MRGPRE: variants seen among roughly 807,000 people sequenced by gnomAD.
MRGPRE encodes the protein MAS related GPR family member E, also known as mas-related G protein-coupled receptor member E.
For missense variants in MRGPRE, 466 were observed against 433.4 expected (o/e 1.08, Z -0.67); for synonymous variants, 229 against 206.7 (o/e 1.11, Z -0.92).
Position 3,231,901 on chromosome 11 carries a change from G to A in MRGPRE, c.-62+240C>T, listed in dbSNP as rs903974562. On this transcript the variant is annotated intron_variant, in intron 1 of 1. Transcript: ENST00000389832. This position sits in a 1 kb window ranked among gnomAD's most constrained non-coding sequence, Gnocchi z 4.7. ...ACAGAGCCACCGGGGGTGGGGGGTT[G>A]GGGAGCCATCACCCAAGCTATCGTC... Among the ~76,000 whole-genome samples, 1 of 152,040 alleles carries A rather than the reference G, an allele frequency of 6.6e-6. No homozygotes were observed. Among genetic ancestry groups the A allele is most frequent in the African/African-American group, 2.4e-5 (1 of 41,380 alleles).
At position 3,227,858 on chromosome 11, in the gene MRGPRE, G is replaced by T; in HGVS notation, c.*3C>A. 1 of 1,438,730 alleles carries T rather than the reference G, an allele frequency of 7.0e-7. No individual in the cohort carries two copies. The highest frequency in any genetic ancestry group is 9.1e-7 in the Non-Finnish European group (1 of 1,096,048). 89.1% of individuals were successfully genotyped at this position (1,438,730 alleles called of 1,614,324 possible). The stretch of plus-strand genomic sequence containing the variant: ...CTGCAGCTGGGGTCGGGGGCCCCAG[G>T]GCTCAGGCTGCTATGTCCACCAGGC... On this transcript the variant is annotated 3_prime_UTR_variant, in exon 2 of 2. Transcript: ENST00000389832.
At position 3,230,622 on chromosome 11, in the gene MRGPRE, C is replaced by T. The variant is rs1041267329; in HGVS notation, c.-62+1519G>A. On this transcript the variant is annotated intron_variant, in intron 1 of 1. Transcript: ENST00000389832. This position sits in a 1 kb window ranked among gnomAD's most constrained non-coding sequence, Gnocchi z 5.5. ...AAATGACAGCCTGAGGTTGTCCCCG[C>T]CTCAGGGGTGGGCATGGGGGTGGGG... Among the ~76,000 whole-genome samples, 1 of 152,054 alleles carries T rather than the reference C, an allele frequency of 6.6e-6. No homozygotes were observed. Among genetic ancestry groups the T allele is most frequent in the Non-Finnish European group, 1.5e-5 (1 of 67,986 alleles).
rs1190841312 is a variant in MRGPRE at position 3,226,655 on chromosome 11, G to C, written c.*1206C>G. On this transcript the variant is annotated 3_prime_UTR_variant, in exon 2 of 2. Coordinates refer to ENST00000389832, the MANE Select transcript of MRGPRE (RefSeq NM_001039165.4). Reference sequence around the variant, plus strand: ...CAGAGGGAATGTCCTTCCATCACCAGCCATGGAGGCCGGAGTCAGAAATCA... The same window carrying C: ...CAGAGGGAATGTCCTTCCATCACCACCCATGGAGGCCGGAGTCAGAAATCA... Among the ~76,000 whole-genome samples, 1 of 152,234 alleles carries C rather than the reference G, an allele frequency of 6.6e-6. No homozygotes were observed. The highest frequency in any genetic ancestry group is 2.4e-5 in the African/African-American group (1 of 41,458).
In MRGPRE at chr11:3,227,025, C is replaced by T. The variant is rs1247939745; in HGVS notation, c.*836G>A. 6.6e-6 allele frequency among the ~76,000 whole-genome samples: 1 copy of T among 152,212 alleles called. No individual in the cohort carries two copies. The highest frequency in any genetic ancestry group is 1.5e-5 in the Non-Finnish European group (1 of 68,030). On this transcript the variant is annotated 3_prime_UTR_variant, in exon 2 of 2. Coordinates refer to ENST00000389832, the MANE Select transcript of MRGPRE (RefSeq NM_001039165.4). ...CTGTTGAGGGGTGAAGCCTGGGTTC[C>T]TTCCTCAGAGGGATCCTCTGGAGCG...
In MRGPRE at chr11:3,229,052, G is replaced by A. The variant is rs1247124112; in HGVS notation, c.-61-192C>T. Among the ~76,000 whole-genome samples the A allele has an allele frequency of 1.3e-5, 2 of 152,042 alleles. No homozygotes were observed. Among genetic ancestry groups the A allele is most frequent in the Non-Finnish European group, 2.9e-5 (2 of 68,014 alleles). ...TCCCTAAGACACTCAGGAGGAAGGT[G>A]TCCCCATTCCTCCCCTCCCCATGGT... On this transcript the variant is annotated intron_variant, in intron 1 of 1. Coordinates refer to ENST00000389832, the MANE Select transcript of MRGPRE (RefSeq NM_001039165.4). This position sits in a 1 kb window ranked among gnomAD's most constrained non-coding sequence, Gnocchi z 4.4.
rs11026050 is a variant in MRGPRE at position 3,230,286 on chromosome 11, G to A, written c.-61-1426C>T. 0.58 allele frequency among the ~76,000 whole-genome samples: 87,896 copies of A among 151,442 alleles called. 26,047 individuals are homozygous for A. The highest frequency in any genetic ancestry group is 0.63 in the Non-Finnish European group (42,970 of 67,814). On this transcript the variant is annotated intron_variant, in intron 1 of 1. Transcript: ENST00000389832. This position sits in a 1 kb window ranked among gnomAD's most constrained non-coding sequence, Gnocchi z 5.5. ...AGGTGCCCCTCCCACCTTGGTGGTG[G>A]CTGGTCCTCCTGTGTCCTGGGAGGG...
Position 3,227,901 on chromosome 11 carries a change from C to A in MRGPRE, c.899G>T (p.Arg300Met). The A allele has an allele frequency of 6.8e-7, 1 of 1,474,442 alleles. No individual in the cohort carries two copies. Among genetic ancestry groups the A allele is most frequent in the East Asian group, 2.4e-5 (1 of 40,922 alleles). The allele number at this position is 1,474,442 out of a possible 1,614,324, so 91.3% of individuals were successfully genotyped here. Residue 300 changes from arginine (R) to methionine (M), a missense_variant, in exon 2 of 2, where the codon AGG (arginine) becomes ATG (methionine). Transcript: ENST00000389832. The stretch of plus-strand genomic sequence containing the variant: ...CACCAGGCCCCGGCGGGAGGTCTCC[C>A]TGACGGCCCCCAGCTCAGCCTCGTC... ...LGDEAELGAV[R>M]ETSRRGLVDI...
chr11:3,228,014 G>T lies in MRGPRE; in HGVS notation c.786C>A (p.Cys262Ter), dbSNP rs576704362. 3 of 1,605,734 alleles carry T rather than the reference G, an allele frequency of 1.9e-6. No individual in the cohort carries two copies. The highest frequency in any genetic ancestry group is 2.7e-5 in the African/African-American group (2 of 74,838). The part of the protein sequence containing the change: ...HFSFLMAAVH[C>*]AAKPVVYFCL... ...AGAAGTAGACGACGGGCTTGGCCGC[G>T]CAGTGCACGGCGGCCATGAGGAAGC... Residue 262 changes from cysteine to a stop codon, truncating the protein, a stop_gained, in exon 2 of 2, where the codon TGC becomes TGA. Coordinates refer to ENST00000389832, the MANE Select transcript of MRGPRE (RefSeq NM_001039165.4). LOFTEE classifies it low-confidence loss of function (END_TRUNC).
chr11:3,229,211 G>C lies in MRGPRE; in HGVS notation c.-61-351C>G, dbSNP rs12283729. 0.66 allele frequency among the ~76,000 whole-genome samples: 87,844 copies of C among 132,664 alleles called. 26,913 individuals are homozygous for C. The highest frequency in any genetic ancestry group is 0.69 in the Middle Eastern group (178 of 258). 87.0% of individuals were successfully genotyped at this position (132,664 alleles called of 152,430 possible). ...AGTGGTGCCTTGATCCTCAGAATGG[G>C]CTTTTTTTTTTTTTTTTTTTTTTTT... On this transcript the variant is annotated intron_variant, in intron 1 of 1. Coordinates refer to ENST00000389832, the MANE Select transcript of MRGPRE (RefSeq NM_001039165.4). The surrounding 1 kb of genome is among the most constrained non-coding windows in gnomAD (Gnocchi z 4.4).
rs990757522 is a variant in MRGPRE, at chr11:3,225,151, G to A, written c.*2710C>T. 2.1e-4 allele frequency among the ~76,000 whole-genome samples: 32 copies of A among 152,338 alleles called. No individual in the cohort carries two copies. In the South Asian group the frequency reaches 4.3e-3, roughly 21 times the overall value. On this transcript the variant is annotated 3_prime_UTR_variant, in exon 2 of 2. Coordinates refer to ENST00000389832, the MANE Select transcript of MRGPRE (RefSeq NM_001039165.4). ...GCAGCGCAGGCTGATTTACAGACTC[G>A]TACCCGGGCGCTGGGGAGGGGATAG... is the stretch of plus-strand genomic sequence containing the variant.
In MRGPRE at chr11:3,229,957, G is replaced by C. The variant is rs747579009; in HGVS notation, c.-61-1097C>G. The stretch of plus-strand genomic sequence containing the variant: ...CCAAGGCAGTCGGCTCACGGGGACA[G>C]GTCCTGCGGGAGGGGTACTGAGTCC... On this transcript the variant is annotated intron_variant, in intron 1 of 1. Transcript: ENST00000389832. The surrounding 1 kb of genome is among the most constrained non-coding windows in gnomAD (Gnocchi z 4.4). Among the ~76,000 whole-genome samples the C allele has an allele frequency of 2.0e-5, 3 of 152,208 alleles. No homozygotes were observed. Among genetic ancestry groups the C allele is most frequent in the East Asian group, 1.9e-4 (1 of 5,188 alleles).
rs1360906897 is a variant in MRGPRE, at chr11:3,228,346, G to A, written c.454C>T (p.Leu152=). ...CVCALTWALC[L]LLHLLLSGAC... is the part of the protein sequence containing the mutation. The stretch of plus-strand genomic sequence containing the variant: ...CCGCTGAGCAGCAGGTGCAGCAGCA[G>A]GCAGAGGGCCCAGGTGAGGGCGCAC... Residue 152 remains leucine (L), a synonymous_variant, in exon 2 of 2, where the codon CTG becomes TTG. Transcript: ENST00000389832. 6.4e-7 allele frequency: 1 copy of A among 1,571,482 alleles called. No homozygotes were observed.
In MRGPRE at chr11:3,230,985, A is replaced by C. The variant is rs1164887289; in HGVS notation, c.-62+1156T>G. Among the ~76,000 whole-genome samples the C allele has an allele frequency of 6.6e-6, 1 of 152,104 alleles. No homozygotes were observed. The highest frequency in any genetic ancestry group is 1.5e-5 in the Non-Finnish European group (1 of 67,996). On this transcript the variant is annotated intron_variant, in intron 1 of 1. Transcript: ENST00000389832. This position sits in a 1 kb window ranked among gnomAD's most constrained non-coding sequence, Gnocchi z 5.5. ...TAGCTTGGGGGGGTCACCAACCCTCAGGCCCAGAGGGAGGCAGAGATGAGT... is the reference window on the plus strand; with the variant it reads ...TAGCTTGGGGGGGTCACCAACCCTCCGGCCCAGAGGGAGGCAGAGATGAGT...
rs1468185093 is a variant in MRGPRE at position 3,226,973 on chromosome 11, C to A, written c.*888G>T. On this transcript the variant is annotated 3_prime_UTR_variant, in exon 2 of 2. Coordinates refer to ENST00000389832, the MANE Select transcript of MRGPRE (RefSeq NM_001039165.4). ...CACATGCTCCTGGATGGCAGCCAGG[C>A]CTGGCACTCAGCGGAAGCTCGGAAA... is the stretch of plus-strand genomic sequence containing the variant. Among the ~76,000 whole-genome samples, 2 of 152,238 alleles carry A rather than the reference C, an allele frequency of 1.3e-5. No homozygotes were observed. The highest frequency in any genetic ancestry group is 2.9e-5 in the Non-Finnish European group (2 of 68,038).
In MRGPRE at chr11:3,230,293, C is replaced by T. The variant is rs563042746; in HGVS notation, c.-61-1433G>A. Among the ~76,000 whole-genome samples the T allele has an allele frequency of 1.5e-4, 23 of 151,844 alleles. No homozygotes were observed. Among genetic ancestry groups the T allele is most frequent in the African/African-American group, 5.6e-4 (23 of 41,430 alleles). On this transcript the variant is annotated intron_variant, in intron 1 of 1. Transcript: ENST00000389832. The surrounding 1 kb of genome is among the most constrained non-coding windows in gnomAD (Gnocchi z 5.5). ...CCTCCCACCTTGGTGGTGGCTGGTC[C>T]TCCTGTGTCCTGGGAGGGCTGGGGT...
chr11:3,228,124 AGAG>A lies in MRGPRE; in HGVS notation c.673_675del (p.Leu225del), dbSNP rs1473227784. On this transcript the variant is annotated inframe_deletion, in exon 2 of 2. Transcript: ENST00000389832. The stretch of plus-strand genomic sequence containing the variant: ...CCGAAGGGCAGGCCGCAGAAGAGGA[AGAG>A]GAGGACGGTGAGGAGGATGAGCCCA... The A allele has an allele frequency of 6.3e-7, 1 of 1,590,572 alleles. No homozygotes were observed. The highest frequency in any genetic ancestry group is 1.8e-5 in the Admixed American group (1 of 55,076).
chr11:3,226,420 G>A lies in MRGPRE; in HGVS notation c.*1441C>T, dbSNP rs1847760950. 6.6e-6 allele frequency: 1 copy of A among 152,294 alleles called. No homozygotes were observed. Among genetic ancestry groups the A allele is most frequent in the Non-Finnish European group, 1.5e-5 (1 of 68,106 alleles). 9.4% of individuals were successfully genotyped at this position (152,294 alleles called of 1,614,324 possible). ...GGGAGGAGGTAAGTCCCCAAGTGGG[G>A]GCTGGAGGTGCTCTAGGAGAGGTGG... On this transcript the variant is annotated 3_prime_UTR_variant, in exon 2 of 2. Coordinates refer to ENST00000389832, the MANE Select transcript of MRGPRE (RefSeq NM_001039165.4).
At position 3,228,597 on chromosome 11, in the gene MRGPRE, G is replaced by A. The variant is rs200110994; in HGVS notation, c.203C>T (p.Ala68Val). 72 of 1,613,994 alleles carry A rather than the reference G, an allele frequency of 4.5e-5. No homozygotes were observed. Among genetic ancestry groups the A allele is most frequent in the South Asian group, 9.9e-5 (9 of 91,084 alleles). ...FAIYLLDVAC[A>V]DLIFLGCHMV... ...GTGGCAGCCAAGGAAGATGAGATCC[G>A]CGCAGGCCACGTCCAGGAGGTAGAT... is the stretch of plus-strand genomic sequence containing the variant. Residue 68 changes from alanine to valine, a missense_variant, in exon 2 of 2, where the codon GCG becomes GTG. Ala to Val is a moderately conservative substitution (Grantham distance 64). Coordinates refer to ENST00000389832, the MANE Select transcript of MRGPRE (RefSeq NM_001039165.4).
rs1847763757 is a variant in MRGPRE at position 3,226,575 on chromosome 11, A to T, written c.*1286T>A. Among the ~76,000 whole-genome samples the T allele has an allele frequency of 1.3e-5, 2 of 152,174 alleles. No individual in the cohort carries two copies. The highest frequency in any genetic ancestry group is 1.3e-4 in the Admixed American group (2 of 15,286). ...GGTGCAGCCGGATTCCAGGGTGCTGACCAGGGATCTGCGACTCACACCCAG... is the reference window on the plus strand; with the variant it reads ...GGTGCAGCCGGATTCCAGGGTGCTGTCCAGGGATCTGCGACTCACACCCAG... On this transcript the variant is annotated 3_prime_UTR_variant, in exon 2 of 2. Transcript: ENST00000389832.
Sources: allele counts gnomAD v4.1 joint callset (sites outside exome capture counted in the v4.1 genomes callset), GRCh38; gene constraint gnomAD v4.1.1; non-coding constraint Gnocchi (gnomAD v3.1); transcripts MANE v1.5; gene names NCBI Gene and HGNC (gene_info 2026-07-23, HGNC 2026-07-21).